The following SGK3 variants were observed in gnomAD, a reference collection of about 807,000 sequenced individuals.
The protein encoded by SGK3 is serine/threonine-protein kinase Sgk3.
Under a neutral mutation model 68.5 loss-of-function variants are expected in SGK3, and 47 were observed. The observed-to-expected ratio is 0.69, with a 90% CI of 0.54 to 0.87. The LOEUF is 0.87. Among genes scored for constraint, SGK3 ranks in the 40% least tolerant of loss-of-function variants. The probability of loss-of-function intolerance (pLI) is 0.00; values close to 1 mark genes in which losing one functional copy is unlikely to be tolerated. For synonymous variants in SGK3, 181 were observed against 189.1 expected, an observed-to-expected ratio of 0.96 and a Z score of 0.35; for missense variants, 479 against 575.5, an observed-to-expected ratio of 0.83 and a Z score of 1.72.
chr8:66,807,215 G>A (rs1398496493), intron 4 of SGK3, among the ~76,000 whole-genome samples: 2 of 152,182 alleles, frequency 1.3e-5, no homozygotes, highest in Non-Finnish European at 2.9e-5. Flanking sequence ...TAATTGGAGG[G>A]TCTGCCCTGG....
At chr8:66,729,922 T>A (rs1805098333) in intron 1 of SGK3, among the ~76,000 whole-genome samples, 1 of 152,022 alleles carries the variant, frequency 6.6e-6, no homozygotes, top group African/African-American at 2.4e-5. Flanking sequence ...TTTTTTATAT[T>A]TTTAGTGGAG....
chr8:66,758,444 C>A (rs1446618926), intron 1 of SGK3, among the ~76,000 whole-genome samples: 8 of 152,082 alleles, frequency 5.3e-5, no homozygotes, highest in Non-Finnish European at 5.9e-5. Flanking sequence ...GTTTGCAAAT[C>A]TCTTTAATAT....
chr8:66,792,651 G>C (rs1269211505), intron 1 of SGK3, among the ~76,000 whole-genome samples: 1 of 152,126 alleles, frequency 6.6e-6, no homozygotes, highest in Non-Finnish European at 1.5e-5. Context: ...GATCAAGTTG[G>C]GAGGAATGCT....
intron 2 of SGK3, 27 bp downstream of exon 2, chr8:66,793,859 G>GA: frequency 6.3e-7 from 1 of 1,599,606 alleles, no homozygotes; most frequent in Admixed American, 1.7e-5. Flanking sequence ...AAGCATGTGG[G>GA]AAAAAAGTTG....
chr8:66,825,437 T>C (rs1010059452), intron 6 of SGK3, among the ~76,000 whole-genome samples: 1 of 151,222 alleles, frequency 6.6e-6, no homozygotes, highest in African/African-American at 2.4e-5. Context: ...CATTCCATTC[T>C]CCTGCCTCAG....
chr8:66,803,453 C>CTACATA (rs1554600844), intron 3 of SGK3, among the ~76,000 whole-genome samples: 3 of 148,072 alleles, frequency 2.0e-5, no homozygotes, highest in African/African-American at 5.0e-5. Flanking sequence ...CCTCAGCCTC[C>CTACATA]CAAAGTGCTG....
chr8:66,829,732 G>A (rs77381804), intron 7 of SGK3, among the ~76,000 whole-genome samples: 5,936 of 152,188 alleles, frequency 0.039, 160 homozygotes, highest in Middle Eastern at 0.088. Context: ...TAGAGACAAC[G>A]AGTTTACAAA....
rs150135498 is a variant in SGK3, at chr8:66,843,576, A to G, written c.1074+29A>G. ...TGTATTTCTATACCTCATTATTCCA[A>G]TGTATTATCATTGATTTGATTGTCT... On this transcript the variant is annotated intron_variant, in intron 14 of 16. Transcript: ENST00000521198. 2,241 of 1,590,802 alleles carry G rather than the reference A, an allele frequency of 1.4e-3. 20 individuals are homozygous for G. In the African/African-American group the frequency reaches 0.023, roughly 17 times the overall value.
intron 4 of SGK3, among the ~76,000 whole-genome samples, chr8:66,808,938 C>T (rs1046273751): frequency 5.3e-5 from 8 of 151,696 alleles, no homozygotes; most frequent in Non-Finnish European, 1.0e-4. Flanking sequence ...GGCGTGATCT[C>T]GGCCCACCAC....
chr8:66,783,807 G>A (rs77369642), intron 1 of SGK3, among the ~76,000 whole-genome samples: 4,227 of 152,220 alleles, frequency 0.028, 108 homozygotes, highest in African/African-American at 0.051. Context: ...ATTAAAGGCC[G>A]AAGCATAGTG....
At chr8:66,843,993 CAAAAAAAAAAAAAAAAA>C (rs11311018) in intron 14 of SGK3, among the ~76,000 whole-genome samples, 2 of 71,412 alleles carry the variant, frequency 2.8e-5, no homozygotes, top group African/African-American at 5.5e-5. Flanking sequence ...GACTCTGTCT[CAAAAAAAAAAAAAAAAA>C]AAAAAAAAAC....
chr8:66,720,620 A>C (rs1804767791), intron 1 of SGK3, among the ~76,000 whole-genome samples: 1 of 151,744 alleles, frequency 6.6e-6, no homozygotes, highest in Non-Finnish European at 1.5e-5. Flanking sequence ...AAATATAAAA[A>C]TTAGCTGGAC....
intron 1 of SGK3, among the ~76,000 whole-genome samples, chr8:66,730,049 G>A (rs368704739): frequency 6.6e-5 from 10 of 152,182 alleles, no homozygotes; most frequent in East Asian, 3.9e-4. Context: ...GTGAGCCACC[G>A]TGCCCAGCCC....
At chr8:66,805,699 T>G (rs1808129846) in intron 4 of SGK3, among the ~76,000 whole-genome samples, 1 of 152,156 alleles carries the variant, frequency 6.6e-6, no homozygotes, top group African/African-American at 2.4e-5. Flanking sequence ...AACAAAAGTC[T>G]TCTTATCCAC....
intron 1 of SGK3, among the ~76,000 whole-genome samples, chr8:66,752,686 G>T (rs1399221754): frequency 6.6e-6 from 1 of 152,100 alleles, no homozygotes; most frequent in East Asian, 1.9e-4. Context: ...AGAAAGAGAA[G>T]AGGAAGTAGC....
In SGK3 at chr8:66,793,835, A is replaced by G; in HGVS notation, c.96+3A>G. 6.2e-7 allele frequency: 1 copy of G among 1,610,672 alleles called. No homozygotes were observed. Among genetic ancestry groups the G allele is most frequent in the Non-Finnish European group, 8.5e-7 (1 of 1,178,076 alleles). Reference sequence around the variant, plus strand: ...GAGAGAAAAAGAAGAGGTTTACTGTAAGTATTTAACATAAAGCATGTGGGA... The same window carrying G: ...GAGAGAAAAAGAAGAGGTTTACTGTGAGTATTTAACATAAAGCATGTGGGA... On this transcript the variant is annotated splice_donor_region_variant and intron_variant, in intron 2 of 16. Transcript: ENST00000521198.
chr8:66,857,322 C>A lies in SGK3; in HGVS notation c.1321-2089C>A, dbSNP rs559585372. ...TTTGTAGATGTACCAGGCTGTTATC[C>A]TTTGCTTATAATATCCACTCTGAAT... On this transcript the variant is annotated intron_variant, in intron 16 of 16. Coordinates refer to ENST00000521198, the MANE Select transcript of SGK3 (RefSeq NM_001033578.3). Among the ~76,000 whole-genome samples, 3 of 152,202 alleles carry A rather than the reference C, an allele frequency of 2.0e-5. No homozygotes were observed. The East Asian group carries it at 5.8e-4, about 29-fold the overall frequency.
intron 7 of SGK3, among the ~76,000 whole-genome samples, 179 bp downstream of exon 7, chr8:66,828,882 T>A (rs1349971157): frequency 6.7e-6 from 1 of 149,610 alleles, no homozygotes; most frequent in Non-Finnish European, 1.5e-5. Context: ...TGCTTTAGGA[T>A]AGCCCTGAGG....
chr8:66,749,296 G>A (rs1002791330), intron 1 of SGK3, among the ~76,000 whole-genome samples: 6 of 152,060 alleles, frequency 3.9e-5, no homozygotes, highest in East Asian at 1.9e-4. Context: ...GGCGGATCAC[G>A]AGGCCCGGAG....
Sources: gnomAD v4.1 joint callset for allele counts (sites outside exome capture counted in the v4.1 genomes callset) on GRCh38, gnomAD v4.1.1 for gene constraint, MANE v1.5 for transcripts, NCBI Gene and HGNC (gene_info 2026-07-23, HGNC 2026-07-21) for gene names.